CLPS: variants seen among roughly 807,000 people sequenced by gnomAD.
The protein encoded by CLPS is colipase, pancreatic.
A neutral mutation model predicts 9.3 loss-of-function variants in CLPS; 8 were observed. The ratio of observed to expected loss-of-function variants is 0.86; its 90% confidence interval spans 0.51 to 1.56. CLPS has a LOEUF of 1.56. CLPS is among the 40% of genes most tolerant of loss of function. The probability of loss-of-function intolerance (pLI) is 0.00; values close to 1 mark genes in which losing one functional copy is unlikely to be tolerated. For missense variants in CLPS, 144 were observed against 145.7 expected, an observed-to-expected ratio of 0.99 and a Z score of 0.06; for synonymous variants, 61 against 56.2, an observed-to-expected ratio of 1.09 and a Z score of -0.39.
chr6:35,797,184 C>G, intron 1 of CLPS, 21 bp downstream of exon 1: 1 of 1,607,220 alleles, frequency 6.2e-7, no homozygotes, highest in East Asian at 2.2e-5. Context: ...CAGGAGGCGC[C>G]TCCCCTGAAG....
intron 1 of CLPS, among the ~76,000 whole-genome samples, chr6:35,796,352 C>T (rs562371522): frequency 4.6e-5 from 7 of 152,372 alleles, no homozygotes; most frequent in Admixed American, 1.3e-4. Context: ...ACCTTTCAAC[C>T]GCATGGACGT....
chr6:35,795,185 G>C lies in CLPS; in HGVS notation c.300C>G (p.Asn100Lys). Residue 100 changes from asparagine to lysine, a missense_variant, in exon 3 of 3, where the codon AAC becomes AAG. By Grantham distance (94) the Asn-to-Lys change is moderately conservative (BLOSUM62 0). Transcript: ENST00000259938. ...GTCCAGCGTCATGGCAGATGCCAAA[G>C]TTGGTGTTGGTGATGGAGCCCACGA... Reference protein sequence around the residue: ...KTIVGSITNTNFGICHDAGRS... With the variant: ...KTIVGSITNTKFGICHDAGRS... The C allele has an allele frequency of 3.1e-6, 5 of 1,614,224 alleles. No individual in the cohort carries two copies. Among genetic ancestry groups the C allele is most frequent in the Non-Finnish European group, 4.2e-6 (5 of 1,180,024 alleles).
chr6:35,795,272 G>C lies in CLPS; in HGVS notation c.213C>G (p.Leu71=), dbSNP rs778333504. The change falls in exon 3 of 3, where the codon CTC becomes CTG. Residue 71 remains leucine (L), a synonymous_variant. Transcript: ENST00000259938. The part of the protein sequence containing the change: ...SENSECSVKT[L]YGIYYKCPCE... ...AGGGACACTTGTAGTAAATCCCATA[G>C]AGCGTCTGCAGAGACACAGCCAATG... 16 of 1,613,860 alleles carry C rather than the reference G, an allele frequency of 9.9e-6. No homozygotes were observed. The highest frequency in any genetic ancestry group is 1.3e-5 in the Non-Finnish European group (15 of 1,179,914).
At chr6:35,795,916 G>A (rs1278654651) in intron 1 of CLPS, 63 bp from the exon 2 acceptor site, 3 of 1,598,202 alleles carry the variant, frequency 1.9e-6, no homozygotes, top group Non-Finnish European at 2.6e-6. Context: ...ATTCAGACCT[G>A]TACCCACCAC....
intron 2 of CLPS, 88 bp from the exon 3 acceptor site, chr6:35,795,365 C>G (rs1242006561): frequency 6.5e-7 from 1 of 1,542,102 alleles, no homozygotes; most frequent in Non-Finnish European, 8.8e-7. Context: ...AACCAGTAGG[C>G]CAGCCTGTGT....
rs932958368 is a variant in CLPS at position 35,795,177 on chromosome 6, A to G, written c.308T>C (p.Ile103Thr). ...VGSITNTNFG[I>T]CHDAGRSKQ ...CTTGGAGCGTCCAGCGTCATGGCAG[A>G]TGCCAAAGTTGGTGTTGGTGATGGA... is the stretch of plus-strand genomic sequence containing the variant. The change falls in exon 3 of 3, where the codon ATC (isoleucine) becomes ACC (threonine). Residue 103 changes from isoleucine to threonine, a missense_variant. Transcript: ENST00000259938. The G allele has an allele frequency of 6.2e-7, 1 of 1,614,208 alleles. No homozygotes were observed. The highest frequency in any genetic ancestry group is 1.1e-5 in the South Asian group (1 of 91,092).
chr6:35,795,318 T>C (rs1768330045), intron 2 of CLPS, 41 bp from the exon 3 acceptor site: 2 of 1,600,802 alleles, frequency 1.2e-6, no homozygotes, highest in Non-Finnish European at 1.7e-6. Flanking sequence ...TATGGGGAGA[T>C]ACTTTGGACA....
chr6:35,795,876 C>G, intron 1 of CLPS, 23 bp from the exon 2 acceptor site: 1 of 1,610,894 alleles, frequency 6.2e-7, no homozygotes. Flanking sequence ...GCCAGTCAGC[C>G]CAGGCCCCAC....
Position 35,795,088 on chromosome 6 carries a change from C to A in CLPS, c.*58G>T. The A allele has an allele frequency of 6.3e-7, 1 of 1,591,506 alleles. No individual in the cohort carries two copies. Reference sequence around the variant, plus strand: ...GATGCGCTGGAGCAGGGGAGAGATGCCCCTGCGCCTAGTGGCCTACAGCAT... The same window carrying A: ...GATGCGCTGGAGCAGGGGAGAGATGACCCTGCGCCTAGTGGCCTACAGCAT... On this transcript the variant is annotated 3_prime_UTR_variant, in exon 3 of 3. Coordinates refer to ENST00000259938, the MANE Select transcript of CLPS (RefSeq NM_001832.4).
Sources: allele counts gnomAD v4.1 joint callset (sites outside exome capture counted in the v4.1 genomes callset), GRCh38; gene constraint gnomAD v4.1.1; transcripts MANE v1.5; gene names NCBI Gene and HGNC (gene_info 2026-07-23, HGNC 2026-07-21).